Variants in CADM1 observed in about 807,000 individuals in gnomAD.
CADM1 encodes the protein TSLC-1.
CADM1 carries 15 observed loss-of-function variants against 53.1 expected under a neutral mutation model. That is an observed-to-expected ratio of 0.28 (90% CI 0.19 to 0.44). The LOEUF (loss-of-function observed/expected upper bound fraction) is 0.44. Ranked by LOEUF, CADM1 falls within the 20% of genes least tolerant of loss-of-function variation. The pLI is 1.00. For missense variants in CADM1, 434 were observed against 611.3 expected, an observed-to-expected ratio of 0.71 and a Z score of 3.06; for synonymous variants, 281 against 243.0, an observed-to-expected ratio of 1.16 and a Z score of -1.45.
At chr11:115,214,856 T>C in intron 6 of CADM1, 76 bp from the exon 7 acceptor site, 1 of 1,372,244 alleles carries the variant, frequency 7.3e-7, no homozygotes, top group Admixed American at 1.7e-5. Flanking sequence ...ACATGCAGGG[T>C]GACACAATTA....
intron 10 of CADM1, among the ~76,000 whole-genome samples, chr11:115,182,075 A>G (rs1939339293): frequency 6.6e-6 from 1 of 152,208 alleles, no homozygotes; most frequent in Non-Finnish European, 1.5e-5. Flanking sequence ...TTTCCCCATG[A>G]GCCACAGATC....
chr11:115,188,639 G>A (rs1257531256), intron 10 of CADM1, among the ~76,000 whole-genome samples: 1 of 152,070 alleles, frequency 6.6e-6, no homozygotes, highest in African/African-American at 2.4e-5. Flanking sequence ...GGGAATGGAT[G>A]ATATTATTCA....
chr11:115,237,073 T>C (rs2002897), intron 3 of CADM1, among the ~76,000 whole-genome samples: 4,153 of 152,258 alleles, frequency 0.027, 197 homozygotes, highest in African/African-American at 0.094. Flanking sequence ...GATGAGTGGA[T>C]AGTCAATTTG....
At chr11:115,329,733 TCACA>T (rs1461274537) in intron 1 of CADM1, among the ~76,000 whole-genome samples, 1 of 152,060 alleles carries the variant, frequency 6.6e-6, no homozygotes, top group African/African-American at 2.4e-5. Context: ...AAGAATCAGG[TCACA>T]CAGACAAACT....
intron 1 of CADM1, among the ~76,000 whole-genome samples, chr11:115,386,598 G>T (rs1036735721): frequency 1.1e-4 from 17 of 152,082 alleles, no homozygotes; most frequent in African/African-American, 3.9e-4. Context: ...CGCTAGCTCA[G>T]ATCTCTCTTC....
At chr11:115,410,663 T>A (rs1947439015) in intron 1 of CADM1, among the ~76,000 whole-genome samples, 1 of 151,896 alleles carries the variant, frequency 6.6e-6, no homozygotes, top group South Asian at 2.1e-4. Context: ...AAAGGGAAAT[T>A]TAGCTAAGAA....
Position 115,343,719 on chromosome 11 carries a change from TAA to T in CADM1, c.125-103301_125-103300del, listed in dbSNP as rs11406684. Reference sequence around the variant, plus strand: ...GTTCAAATCTGTATCATACAGATTGTAAAAAAAAAAAAAAAAATAGCATCGAA... The same window carrying T: ...GTTCAAATCTGTATCATACAGATTGTAAAAAAAAAAAAAAATAGCATCGAA... On this transcript the variant is annotated intron_variant, in intron 1 of 11. Coordinates refer to ENST00000331581, the MANE Select transcript of CADM1 (RefSeq NM_001301043.2). Among the ~76,000 whole-genome samples, 357 of 137,796 alleles carry T rather than the reference TAA, an allele frequency of 2.6e-3. 2 individuals are homozygous for T. Among genetic ancestry groups the T allele is most frequent in the African/African-American group, 8.7e-3 (325 of 37,298 alleles). The allele number at this position is 137,796 out of a possible 152,430, so 90.4% of individuals were successfully genotyped here.
At chr11:115,216,093 A>T (rs1397160735) in intron 6 of CADM1, among the ~76,000 whole-genome samples, 1 of 152,238 alleles carries the variant, frequency 6.6e-6, no homozygotes, top group Non-Finnish European at 1.5e-5. Context: ...GCTGCTTGAC[A>T]GCTGAAACAA....
chr11:115,190,728 T>A, intron 10 of CADM1, 160 bp downstream of exon 10: 1 of 575,902 alleles, frequency 1.7e-6, no homozygotes. Context: ...AACAGGTGAG[T>A]GGGTGACCGG....
At chr11:115,431,544 G>C (rs1948051183) in intron 1 of CADM1, among the ~76,000 whole-genome samples, 1 of 152,034 alleles carries the variant, frequency 6.6e-6, no homozygotes, top group South Asian at 2.1e-4. Context: ...ACCCTCAAAG[G>C]CTTCTTATAA....
At chr11:115,299,645 C>T (rs542494709) in intron 1 of CADM1, among the ~76,000 whole-genome samples, 3 of 152,156 alleles carry the variant, frequency 2.0e-5, no homozygotes, top group South Asian at 4.1e-4. Flanking sequence ...TCTTATATTC[C>T]TGCAGAGTTT....
intron 1 of CADM1, among the ~76,000 whole-genome samples, chr11:115,444,206 T>G (rs1395968040): frequency 1.3e-5 from 2 of 152,084 alleles, no homozygotes; most frequent in Admixed American, 6.5e-5. Context: ...AAAAATGCAT[T>G]CCAGAAGAAA....
intron 1 of CADM1, among the ~76,000 whole-genome samples, chr11:115,260,886 G>A (rs996823819): frequency 6.6e-6 from 1 of 151,960 alleles, no homozygotes; most frequent in Admixed American, 6.6e-5. Context: ...GTGTTAGCCA[G>A]GATGGTCTTG....
At chr11:115,315,521 CT>C (rs1194655467) in intron 1 of CADM1, among the ~76,000 whole-genome samples, 1 of 152,044 alleles carries the variant, frequency 6.6e-6, no homozygotes, top group African/African-American at 2.4e-5. Context: ...AACTCAGAAA[CT>C]TTTTTTTCCC....
chr11:115,332,846 C>T (rs995810882), intron 1 of CADM1, among the ~76,000 whole-genome samples: 12 of 152,086 alleles, frequency 7.9e-5, no homozygotes, highest in African/African-American at 2.7e-4. Flanking sequence ...TTAATCCCTA[C>T]TTGTCAACCC....
intron 1 of CADM1, among the ~76,000 whole-genome samples, chr11:115,450,874 T>C (rs890709670): frequency 1.4e-4 from 21 of 152,156 alleles, no homozygotes; most frequent in Admixed American, 9.2e-4. Flanking sequence ...GGGACTATGG[T>C]GAGATCTTTC....
At chr11:115,435,879 C>A (rs1332154566) in intron 1 of CADM1, among the ~76,000 whole-genome samples, 1 of 152,176 alleles carries the variant, frequency 6.6e-6, no homozygotes, top group Non-Finnish European at 1.5e-5. Context: ...TACTATCTGG[C>A]CCTTTGAAGA....
chr11:115,390,613 C>G (rs924741268), intron 1 of CADM1, among the ~76,000 whole-genome samples: 1 of 150,082 alleles, frequency 6.7e-6, no homozygotes, highest in African/African-American at 2.5e-5. Context: ...TGAAACAGCA[C>G]CACCATTCAT....
At chr11:115,236,742 G>GA (rs989095283) in intron 3 of CADM1, among the ~76,000 whole-genome samples, 45 of 146,742 alleles carry the variant, frequency 3.1e-4, no homozygotes, top group South Asian at 1.5e-3. Context: ...GTGCCTTTAG[G>GA]AAAAAAAAAA....
Sources: gnomAD v4.1 joint callset for allele counts (sites outside exome capture counted in the v4.1 genomes callset) on GRCh38, gnomAD v4.1.1 for gene constraint, MANE v1.5 for transcripts, NCBI Gene and HGNC (gene_info 2026-07-23, HGNC 2026-07-21) for gene names.